Variants in FGD6 observed in about 807,000 individuals in gnomAD.
The protein encoded by FGD6 is FYVE, RhoGEF and PH domain containing 6.
Under a neutral mutation model 149.4 loss-of-function variants are expected in FGD6, and 90 were observed. The observed-to-expected ratio is 0.60, with a 90% CI of 0.51 to 0.72. The LOEUF is 0.72. Ranked by LOEUF, FGD6 falls within the 30% of genes least tolerant of loss-of-function variation. The probability of loss-of-function intolerance (pLI) is 0.00; values close to 1 mark genes in which losing one functional copy is unlikely to be tolerated. For synonymous variants in FGD6, 527 were observed against 584.0 expected (o/e 0.90, Z 1.41); for missense variants, 1,437 against 1,684.8 (o/e 0.85, Z 2.57).
chr12:95,101,844 G>A lies in FGD6; in HGVS notation c.3497+3163C>T, dbSNP rs576930126. ...ACTACAGATAAGCGCCACCACACCCGGCTAATTTTTGTATTTTTAGTAGAG... is the reference window on the plus strand; with the variant it reads ...ACTACAGATAAGCGCCACCACACCCAGCTAATTTTTGTATTTTTAGTAGAG... On this transcript the variant is annotated intron_variant, in intron 14 of 20. Coordinates refer to ENST00000343958, the MANE Select transcript of FGD6 (RefSeq NM_018351.4). Among the ~76,000 whole-genome samples the A allele has an allele frequency of 4.0e-4, 60 of 151,666 alleles. 1 individual carries two copies. Among genetic ancestry groups the A allele is most frequent in the Middle Eastern group, 3.4e-3 (1 of 294 alleles).
At position 95,217,406 on chromosome 12, in the gene FGD6, C is replaced by G; in HGVS notation, c.-166G>C. On this transcript the variant is annotated 5_prime_UTR_variant, in exon 1 of 21. Coordinates refer to ENST00000343958, the MANE Select transcript of FGD6 (RefSeq NM_018351.4). Reference sequence around the variant, plus strand: ...AGCGCCACACAAAGGACGCGGCCGACTCTAGCGACCCTGCGGCGCTCCCGG... The same window carrying G: ...AGCGCCACACAAAGGACGCGGCCGAGTCTAGCGACCCTGCGGCGCTCCCGG... 8.5e-7 allele frequency: 1 copy of G among 1,171,054 alleles called. No homozygotes were observed. The highest frequency in any genetic ancestry group is 1.1e-6 in the Non-Finnish European group (1 of 880,996). The allele number at this position is 1,171,054 out of a possible 1,614,324, so 72.5% of individuals were successfully genotyped here.
At chr12:95,133,629 T>C (rs535455052) in intron 8 of FGD6, among the ~76,000 whole-genome samples, 207 of 152,302 alleles carry the variant, frequency 1.4e-3, no homozygotes, top group African/African-American at 4.9e-3. Flanking sequence ...ATAGAACACA[T>C]TGACTTTACG....
At chr12:95,150,576 G>A (rs1397097473) in intron 5 of FGD6, among the ~76,000 whole-genome samples, 1 of 151,794 alleles carries the variant, frequency 6.6e-6, no homozygotes, top group Non-Finnish European at 1.5e-5. Flanking sequence ...ATGACAGTAA[G>A]CTTGCCACTC....
At chr12:95,116,216 A>T (rs1475711026) in intron 8 of FGD6, among the ~76,000 whole-genome samples, 1 of 152,192 alleles carries the variant, frequency 6.6e-6, no homozygotes, top group Non-Finnish European at 1.5e-5. Flanking sequence ...GAGTGCAAAC[A>T]TTTAACATTT....
At position 95,092,330 on chromosome 12, in the gene FGD6, C is replaced by T. The variant is rs184055509; in HGVS notation, c.3747+369G>A. Among the ~76,000 whole-genome samples, 5 of 152,290 alleles carry T rather than the reference C, an allele frequency of 3.3e-5. No homozygotes were observed. The East Asian group carries it at 7.7e-4, about 24-fold the overall frequency. ...TTAGAAACATCACTAGAGATAACTT[C>T]AACACTGAACATTCCCCGTACTGAA... On this transcript the variant is annotated intron_variant, in intron 16 of 20. Coordinates refer to ENST00000343958, the MANE Select transcript of FGD6 (RefSeq NM_018351.4).
At chr12:95,127,565 T>C (rs902197904) in intron 8 of FGD6, among the ~76,000 whole-genome samples, 1 of 152,140 alleles carries the variant, frequency 6.6e-6, no homozygotes, top group Non-Finnish European at 1.5e-5. Flanking sequence ...AGTCATCTAT[T>C]AATTTAATTG....
chr12:95,134,976 T>G, intron 7 of FGD6, 150 bp from the exon 8 acceptor site: 1 of 614,346 alleles, frequency 1.6e-6, no homozygotes, highest in Non-Finnish European at 2.8e-6. Flanking sequence ...GTACAGCTGT[T>G]AGATACACTG....
intron 1 of FGD6, 68 bp downstream of exon 1, chr12:95,217,157 C>T (rs2056826800): frequency 6.2e-7 from 1 of 1,603,258 alleles, no homozygotes; most frequent in Non-Finnish European, 8.5e-7. Context: ...AAGAAAGTTG[C>T]TCGCGAGCCC....
At chr12:95,112,163 G>A (rs1398024182) in intron 9 of FGD6, among the ~76,000 whole-genome samples, 2 of 152,014 alleles carry the variant, frequency 1.3e-5, no homozygotes. Flanking sequence ...GAGCCCAGGA[G>A]GTTGAGGCTG....
At position 95,089,835 on chromosome 12, in the gene FGD6, C is replaced by CA. The variant is rs1877992566; in HGVS notation, c.3851-140dup. The CA allele has an allele frequency of 8.3e-6, 9 of 1,078,042 alleles. No individual in the cohort carries two copies. The South Asian group carries it at 1.3e-4, about 15-fold the overall frequency. The allele number at this position is 1,078,042 out of a possible 1,614,324, so 66.8% of individuals were successfully genotyped here. Reference sequence around the variant, plus strand: ...AACATTGATAACTCCTGGAAAAGGACAATGGATGGCTGGGAGTTGAGTGGC... The same window carrying CA: ...AACATTGATAACTCCTGGAAAAGGACAAATGGATGGCTGGGAGTTGAGTGGC... On this transcript the variant is annotated intron_variant, in intron 17 of 20. Coordinates refer to ENST00000343958, the MANE Select transcript of FGD6 (RefSeq NM_018351.4).
chr12:95,083,030 T>TATATATACACACACACACAC lies in FGD6; in HGVS notation c.4256+1467_4256+1468insGTGTGTGTGTGTGTATATAT, dbSNP rs772685891. Among the ~76,000 whole-genome samples the TATATATACACACACACACAC allele has an allele frequency of 1.2e-3, 67 of 56,520 alleles. 1 individual carries two copies. Among genetic ancestry groups the TATATATACACACACACACAC allele is most frequent in the Non-Finnish European group, 1.1e-3 (34 of 30,548 alleles). 37.1% of individuals were successfully genotyped at this position (56,520 alleles called of 152,430 possible). On this transcript the variant is annotated intron_variant, in intron 20 of 20. Coordinates refer to ENST00000343958, the MANE Select transcript of FGD6 (RefSeq NM_018351.4). ...AAAAAAAAATATATATATATATATA[T>TATATATACACACACACACAC]ACACACACATACACACACACACACA...
chr12:95,083,030 T>TACACACACACACACACACAC (rs1555215606), intron 20 of FGD6, among the ~76,000 whole-genome samples: 26 of 56,596 alleles, frequency 4.6e-4, no homozygotes, highest in African/African-American at 1.9e-3. Flanking sequence ...TATATATATA[T>TACACACACACACACACACAC]ACACACACAT....
intron 2 of FGD6, among the ~76,000 whole-genome samples, chr12:95,183,488 A>G (rs1881342433): frequency 6.6e-6 from 1 of 152,192 alleles, no homozygotes. Flanking sequence ...GAGCATCAGG[A>G]TTCAGCCATT....
At chr12:95,108,660 A>G (rs949194309) in intron 9 of FGD6, 99 bp from the exon 10 acceptor site, 32 of 1,349,314 alleles carry the variant, frequency 2.4e-5, no homozygotes, top group Admixed American at 1.9e-4. Context: ...GCTAGTTTAT[A>G]GCAACCAACC....
In FGD6 at chr12:95,188,159, A is replaced by T. The variant is rs542333266; in HGVS notation, c.2442-15415T>A. Reference sequence around the variant, plus strand: ...AAACTTCATTTTGCAATATAAAGCAAAGAGTCCTATTTCTTTTCTAAATGG... The same window carrying T: ...AAACTTCATTTTGCAATATAAAGCATAGAGTCCTATTTCTTTTCTAAATGG... On this transcript the variant is annotated intron_variant, in intron 2 of 20. Coordinates refer to ENST00000343958, the MANE Select transcript of FGD6 (RefSeq NM_018351.4). 9.9e-5 allele frequency among the ~76,000 whole-genome samples: 9 copies of T among 91,116 alleles called. 1 individual carries two copies. In the East Asian group the frequency reaches 2.7e-3, roughly 27 times the overall value. The allele number at this position is 91,116 out of a possible 152,430, so 59.8% of individuals were successfully genotyped here.
At chr12:95,186,080 A>T (rs1881420513) in intron 2 of FGD6, among the ~76,000 whole-genome samples, 1 of 151,842 alleles carries the variant, frequency 6.6e-6, no homozygotes, top group African/African-American at 2.4e-5. Context: ...AATGTAGTAT[A>T]ATACCTTTCT....
chr12:95,200,355 G>T (rs936770350), intron 2 of FGD6, among the ~76,000 whole-genome samples: 2 of 152,232 alleles, frequency 1.3e-5, no homozygotes, highest in Admixed American at 1.3e-4. Context: ...TCTTTGTTCA[G>T]TGTTTATTAT....
chr12:95,142,158 T>TG (rs1271587731), intron 5 of FGD6, among the ~76,000 whole-genome samples: 1 of 151,154 alleles, frequency 6.6e-6, no homozygotes, highest in Non-Finnish European at 1.5e-5. Flanking sequence ...TTTTTTTTTT[T>TG]TGAGATGGAG....
At chr12:95,168,046 T>C (rs1441139685) in intron 3 of FGD6, among the ~76,000 whole-genome samples, 1 of 133,780 alleles carries the variant, frequency 7.5e-6, no homozygotes, top group Admixed American at 8.2e-5. Flanking sequence ...AAAAAACATT[T>C]TGACTTTTTG....
Sources: allele counts gnomAD v4.1 joint callset (sites outside exome capture counted in the v4.1 genomes callset), GRCh38; gene constraint gnomAD v4.1.1; transcripts MANE v1.5; gene names NCBI Gene and HGNC (gene_info 2026-07-23, HGNC 2026-07-21).